FLRT3: variants seen among roughly 807,000 people sequenced by gnomAD.
FLRT3 encodes leucine-rich repeat transmembrane protein FLRT3.
Under a neutral mutation model 42.6 loss-of-function variants are expected in FLRT3, and 17 were observed. The observed-to-expected ratio is 0.40, with a 90% confidence interval of 0.27 to 0.60. The LOEUF (loss-of-function observed/expected upper bound fraction) is 0.60, where lower values mean the gene tolerates loss of function less well. Ranked by LOEUF, FLRT3 falls within the 20% of genes least tolerant of loss-of-function variation. The probability of loss-of-function intolerance (pLI) is 0.44; values close to 1 mark genes in which losing one functional copy is unlikely to be tolerated. For synonymous variants in FLRT3, 279 were observed against 286.4 expected, an observed-to-expected ratio of 0.97 and a Z score of 0.26; for missense variants, 635 against 789.2, an observed-to-expected ratio of 0.80 and a Z score of 2.34.
rs141029958 is a variant in FLRT3, at chr20:14,326,258, A to T, written c.1249T>A (p.Ser417Thr). The T allele has an allele frequency of 6.2e-7, 1 of 1,613,898 alleles. No homozygotes were observed. The highest frequency in any genetic ancestry group is 1.7e-5 in the Admixed American group (1 of 59,996). ...ATATGAATGGTATCAGAGGTGACAG[A>T]CTTCACAGTAATTGTAATTGTTTTT... ...SRKTITITVKSVTSDTIHISW... is the reference protein window; with the variant it reads ...SRKTITITVKTVTSDTIHISW... Residue 417 changes from serine to threonine, a missense_variant, in exon 3 of 3, where the codon TCT becomes ACT. Transcript: ENST00000341420. The surrounding 1 kb of genome is among the most constrained non-coding windows in gnomAD (Gnocchi z 5.5).
Position 14,327,660 on chromosome 20 carries a change from T to C in FLRT3, c.-52-102A>G, listed in dbSNP as rs940379069. 4.5e-6 allele frequency: 4 copies of C among 881,442 alleles called. No individual in the cohort carries two copies. The African/African-American group carries it at 6.8e-5, about 15-fold the overall frequency. 54.6% of individuals were successfully genotyped at this position (881,442 alleles called of 1,614,324 possible). A position where few individuals can be genotyped will look rare whatever the true frequency, so the allele number is the denominator to read the frequency against. ...GAAACTAAAATATCCATAATCACTT[T>C]TAATATTTTCATTTGTTTTGGGAGG... On this transcript the variant is annotated intron_variant, in intron 2 of 2. Coordinates refer to ENST00000341420, the MANE Select transcript of FLRT3 (RefSeq NM_198391.3).
intron 1 of FLRT3, among the ~76,000 whole-genome samples, chr20:14,333,748 G>A (rs966053760): frequency 2.6e-5 from 4 of 152,066 alleles, no homozygotes; most frequent in Non-Finnish European, 5.9e-5. Context: ...TATACTGGTC[G>A]GTGAGACCAC....
chr20:14,323,226 C>T lies in FLRT3; in HGVS notation c.*2331G>A, dbSNP rs1201932521. 6.6e-6 allele frequency: 1 copy of T among 152,220 alleles called. No individual in the cohort carries two copies. Among genetic ancestry groups the T allele is most frequent in the Non-Finnish European group, 1.5e-5 (1 of 68,044 alleles). The allele number at this position is 152,220 out of a possible 1,614,324, so 9.4% of individuals were successfully genotyped here. ...TTCAGACACCAGTTGCAAGACTAGT[C>T]AGCTTCAAGTTTGGTTTCCCAGGAT... On this transcript the variant is annotated 3_prime_UTR_variant, in exon 3 of 3. Coordinates refer to ENST00000341420, the MANE Select transcript of FLRT3 (RefSeq NM_198391.3).
At chr20:14,334,057 C>G (rs1027869551) in intron 1 of FLRT3, among the ~76,000 whole-genome samples, 18 of 152,300 alleles carry the variant, frequency 1.2e-4, no homozygotes, top group Admixed American at 1.0e-3. Flanking sequence ...TTTTATACAT[C>G]CCTGACACTT....
At chr20:14,329,860 C>A (rs533637511) in intron 1 of FLRT3, among the ~76,000 whole-genome samples, 2 of 152,012 alleles carry the variant, frequency 1.3e-5, no homozygotes, top group African/African-American at 4.8e-5. Flanking sequence ...GGTCTCAATT[C>A]TCCCAACTGC....
At position 14,325,493 on chromosome 20, in the gene FLRT3, C is replaced by T. The variant is rs141347896; in HGVS notation, c.*64G>A. ...CAGTGTTTTGCAGTAGAACAGGGTT[C>T]CTACCATCACCTCCCTTAGGTTTAA... is the stretch of plus-strand genomic sequence containing the variant. On this transcript the variant is annotated 3_prime_UTR_variant, in exon 3 of 3. Coordinates refer to ENST00000341420, the MANE Select transcript of FLRT3 (RefSeq NM_198391.3). The T allele has an allele frequency of 3.8e-5, 57 of 1,508,692 alleles. No individual in the cohort carries two copies. The African/African-American group carries it at 7.2e-4, about 19-fold the overall frequency. The allele number at this position is 1,508,692 out of a possible 1,614,324, so 93.5% of individuals were successfully genotyped here.
intron 1 of FLRT3, among the ~76,000 whole-genome samples, chr20:14,334,519 G>A (rs746230416): frequency 5.9e-5 from 9 of 152,164 alleles, no homozygotes; most frequent in African/African-American, 1.4e-4. Flanking sequence ...TTGCCCACTG[G>A]GGGGTGGTAC....
At position 14,326,539 on chromosome 20, in the gene FLRT3, A is replaced by G; in HGVS notation, c.968T>C (p.Leu323Pro). ...MKWVRDWLQS[L>P]PVKVNVRGLM... Reference sequence around the variant, plus strand: ...CCCACGCACGTTGACCTTCACAGGTAGTGATTGTAACCAGTCACGTACCCA... The same window carrying G: ...CCCACGCACGTTGACCTTCACAGGTGGTGATTGTAACCAGTCACGTACCCA... Residue 323 changes from leucine (L) to proline (P), a missense_variant, in exon 3 of 3, where the codon CTA becomes CCA. Physicochemically the swap from Leu to Pro is moderately conservative, Grantham distance 98. Transcript: ENST00000341420. The surrounding 1 kb of genome is among the most constrained non-coding windows in gnomAD (Gnocchi z 5.5). The G allele has an allele frequency of 6.2e-7, 1 of 1,613,906 alleles. No homozygotes were observed. Among genetic ancestry groups the G allele is most frequent in the Non-Finnish European group, 8.5e-7 (1 of 1,179,850 alleles).
rs1483295002 is a variant in FLRT3, at chr20:14,325,170, T to C, written c.*387A>G. ...AGTGAAAAATGGCCTGTGCTTATACTACAAGGATCTCATATGAATGCAGTC... is the reference window on the plus strand; with the variant it reads ...AGTGAAAAATGGCCTGTGCTTATACCACAAGGATCTCATATGAATGCAGTC... On this transcript the variant is annotated 3_prime_UTR_variant, in exon 3 of 3. Transcript: ENST00000341420. 1 of 156,158 alleles carries C rather than the reference T, an allele frequency of 6.4e-6. No homozygotes were observed. Among genetic ancestry groups the C allele is most frequent in the Non-Finnish European group, 1.4e-5 (1 of 70,664 alleles). 9.7% of individuals were successfully genotyped at this position (156,158 alleles called of 1,614,324 possible).
rs1463121035 is a variant in FLRT3 at position 14,327,413 on chromosome 20, G to A, written c.94C>T (p.Pro32Ser). The change falls in exon 3 of 3, where the codon CCA (proline) becomes TCA (serine). Residue 32 changes from proline (P) to serine (S), a missense_variant. Pro to Ser is a moderately conservative substitution (Grantham distance 74). Coordinates refer to ENST00000341420, the MANE Select transcript of FLRT3 (RefSeq NM_198391.3). ...CCCGCATCGCAGCGACACACAGATG[G>A]ACAGGATTTAGCCATAACTGATAGA... is the stretch of plus-strand genomic sequence containing the variant. ...APLSVMAKSC[P>S]SVCRCDAGFI... is the part of the protein sequence containing the mutation. 1.2e-6 allele frequency: 2 copies of A among 1,613,650 alleles called. No individual in the cohort carries two copies. Among genetic ancestry groups the A allele is most frequent in the Non-Finnish European group, 1.7e-6 (2 of 1,179,686 alleles).
intron 1 of FLRT3, among the ~76,000 whole-genome samples, chr20:14,335,636 G>A (rs188676090): frequency 1.3e-5 from 2 of 152,212 alleles, no homozygotes; most frequent in Admixed American, 1.3e-4. Context: ...ATTTTAAAGG[G>A]TGGGGTGCAG....
At chr20:14,333,142 G>A (rs1041223765) in intron 1 of FLRT3, among the ~76,000 whole-genome samples, 9 of 152,040 alleles carry the variant, frequency 5.9e-5, no homozygotes, top group African/African-American at 2.2e-4. Context: ...TTGCTGAGAG[G>A]CAGAGAAGCA....
chr20:14,336,303 G>T (rs2082935218), intron 1 of FLRT3, among the ~76,000 whole-genome samples: 3 of 151,384 alleles, frequency 2.0e-5, no homozygotes, highest in Non-Finnish European at 4.4e-5. Context: ...AACCATTAGA[G>T]ATTTTGGACT....
rs1195368540 is a variant in FLRT3, at chr20:14,326,355, T to G, written c.1152A>C (p.Pro384=). The part of the protein sequence containing the change: ...VYPAQGQWPA[P]VTKQPDIKNP... The stretch of plus-strand genomic sequence containing the variant: ...TCTTAATATCTGGCTGTTTGGTCAC[T>G]GGAGCTGGCCACTGTCCTTGGGCAG... The change falls in exon 3 of 3, where the codon CCA becomes CCC. Residue 384 remains proline, a synonymous_variant. Coordinates refer to ENST00000341420, the MANE Select transcript of FLRT3 (RefSeq NM_198391.3). The surrounding 1 kb of genome is among the most constrained non-coding windows in gnomAD (Gnocchi z 5.5). The G allele has an allele frequency of 4.3e-6, 7 of 1,613,968 alleles. No homozygotes were observed. Among genetic ancestry groups the G allele is most frequent in the Non-Finnish European group, 5.9e-6 (7 of 1,179,892 alleles).
At position 14,325,994 on chromosome 20, in the gene FLRT3, G is replaced by A. The variant is rs1031673015; in HGVS notation, c.1513C>T (p.Arg505Ter). 5 of 1,613,910 alleles carry A rather than the reference G, an allele frequency of 3.1e-6. No homozygotes were observed. The highest frequency in any genetic ancestry group is 4.2e-6 in the Non-Finnish European group (5 of 1,179,878). The change falls in exon 3 of 3, where the codon CGA becomes TGA. Residue 505 changes from arginine (R) to a stop codon, truncating the protein, a stop_gained. Transcript: ENST00000341420. LOFTEE classifies it high-confidence loss of function. ...VCIETETAPL[R>*]MYNPTTTLNR... Reference sequence around the variant, plus strand: ...AGGGTGGTTGTAGGGTTGTACATTCGAAGGGGTGCAGTTTCAGTCTCAATA... The same window carrying A: ...AGGGTGGTTGTAGGGTTGTACATTCAAAGGGGTGCAGTTTCAGTCTCAATA...
In FLRT3 at chr20:14,325,780, G is replaced by A. The variant is rs745695091; in HGVS notation, c.1727C>T (p.Ala576Val). ...GTTGTCCTTCTTAGTGCCAGCTTCTGCATAGTCATCCTTTCTTCTCCTCCC... is the reference window on the plus strand; with the variant it reads ...GTTGTCCTTCTTAGTGCCAGCTTCTACATAGTCATCCTTTCTTCTCCTCCC... ...SKGRRRKDDY[A>V]EAGTKKDNSI... Residue 576 changes from alanine to valine, a missense_variant, in exon 3 of 3, where the codon GCA becomes GTA. Transcript: ENST00000341420. 1.5e-5 allele frequency: 25 copies of A among 1,613,768 alleles called. No homozygotes were observed. The East Asian group carries it at 1.6e-4, about 10-fold the overall frequency.
In FLRT3 at chr20:14,334,795, CTT is replaced by C. The variant is rs11087087; in HGVS notation, c.-247+2607_-247+2608del. ...TTGATTTAAACAGTTATTTCTAATG[CTT>C]TTTTTTTTTAAATAAATGGGTTTGA... On this transcript the variant is annotated intron_variant, in intron 1 of 2. Coordinates refer to ENST00000341420, the MANE Select transcript of FLRT3 (RefSeq NM_198391.3). Among the ~76,000 whole-genome samples the C allele has an allele frequency of 3.9e-3, 575 of 148,698 alleles. 4 individuals are homozygous for C. The highest frequency in any genetic ancestry group is 8.4e-3 in the South Asian group (39 of 4,654).
chr20:14,328,626 C>T (rs1257327499), intron 2 of FLRT3, among the ~76,000 whole-genome samples: 1 of 152,068 alleles, frequency 6.6e-6, no homozygotes, highest in Non-Finnish European at 1.5e-5. Context: ...ATATCCAATG[C>T]ACATATATTA....
intron 1 of FLRT3, among the ~76,000 whole-genome samples, chr20:14,334,781 A>G (rs2082907600): frequency 6.9e-6 from 1 of 143,986 alleles, no homozygotes; most frequent in African/African-American, 2.5e-5. Flanking sequence ...TGATTTAAAC[A>G]GTTATTTCTA....
Sources: gnomAD v4.1 joint callset for allele counts (sites outside exome capture counted in the v4.1 genomes callset) on GRCh38, gnomAD v4.1.1 for gene constraint, Gnocchi (gnomAD v3.1) non-coding constraint, MANE v1.5 for transcripts, NCBI Gene and HGNC (gene_info 2026-07-23, HGNC 2026-07-21) for gene names.